The following CDKAL1 variants were observed in gnomAD, a reference collection of about 807,000 sequenced individuals.
The protein encoded by CDKAL1 is CDKAL1 threonylcarbamoyladenosine tRNA methylthiotransferase, also known as threonylcarbamoyladenosine tRNA methylthiotransferase.
CDKAL1 carries 32 observed loss-of-function variants against 68.2 expected under a neutral mutation model. The ratio of observed to expected loss-of-function variants is 0.47; its 90% CI spans 0.35 to 0.63. The LOEUF is 0.63. CDKAL1 is among the 30% of genes least tolerant of loss of function. The probability of loss-of-function intolerance (pLI) is 0.00; values close to 1 mark genes in which losing one functional copy is unlikely to be tolerated. For synonymous variants in CDKAL1, 234 were observed against 244.3 expected (o/e 0.96, Z 0.39); for missense variants, 606 against 696.7 (o/e 0.87, Z 1.47).
At chr6:20,795,846 G>A (rs767835380) in intron 8 of CDKAL1, among the ~76,000 whole-genome samples, 2 of 152,148 alleles carry the variant, frequency 1.3e-5, no homozygotes, top group African/African-American at 4.8e-5. Flanking sequence ...TCTATGTAAG[G>A]CTTGTTAGGT....
chr6:21,217,818 T>G (rs1305541526), intron 15 of CDKAL1, among the ~76,000 whole-genome samples: 1 of 152,194 alleles, frequency 6.6e-6, no homozygotes, highest in Non-Finnish European at 1.5e-5. Flanking sequence ...AGACGGGAAC[T>G]CGCTGTGTTG....
chr6:21,051,389 A>G (rs559803947), intron 11 of CDKAL1, among the ~76,000 whole-genome samples: 4 of 152,264 alleles, frequency 2.6e-5, no homozygotes, highest in African/African-American at 9.6e-5. Flanking sequence ...AATAGTAATA[A>G]TAAGTTGTGT....
At chr6:20,705,160 A>G (rs1436859700) in intron 5 of CDKAL1, among the ~76,000 whole-genome samples, 1 of 152,196 alleles carries the variant, frequency 6.6e-6, no homozygotes, top group Non-Finnish European at 1.5e-5. Context: ...GGTATTTATA[A>G]TTGCAAGGCA....
intron 13 of CDKAL1, among the ~76,000 whole-genome samples, chr6:21,164,367 C>T (rs1777052273): frequency 6.6e-6 from 1 of 151,876 alleles, no homozygotes; most frequent in Non-Finnish European, 1.5e-5. Context: ...TAGCCAGAAC[C>T]CAGAAAACTG....
intron 12 of CDKAL1, among the ~76,000 whole-genome samples, chr6:21,103,122 A>G (rs1773664255): frequency 6.6e-6 from 1 of 152,228 alleles, no homozygotes; most frequent in Admixed American, 6.5e-5. Flanking sequence ...TTTCCTTATA[A>G]TAACACCATT....
At chr6:21,192,783 T>A (rs1049899129) in intron 13 of CDKAL1, among the ~76,000 whole-genome samples, 4 of 150,844 alleles carry the variant, frequency 2.7e-5, no homozygotes, top group African/African-American at 9.7e-5. Flanking sequence ...TTCTTAGGAT[T>A]ACAAGAAAAT....
chr6:20,944,140 G>A (rs1430294731), intron 9 of CDKAL1, among the ~76,000 whole-genome samples: 2 of 152,182 alleles, frequency 1.3e-5, no homozygotes, highest in Non-Finnish European at 2.9e-5. Flanking sequence ...CTACCTGTCT[G>A]TACTGTGACC....
intron 5 of CDKAL1, among the ~76,000 whole-genome samples, chr6:20,706,877 C>T (rs1464729561): frequency 2.0e-5 from 3 of 151,934 alleles, no homozygotes; most frequent in Non-Finnish European, 4.4e-5. Context: ...AAAAATTACC[C>T]CAGTGTACCA....
At chr6:20,874,508 T>G (rs1031767850) in intron 9 of CDKAL1, among the ~76,000 whole-genome samples, 2 of 152,066 alleles carry the variant, frequency 1.3e-5, no homozygotes, top group Non-Finnish European at 2.9e-5. Context: ...TTTGTTTGTT[T>G]GTTTGTTTAT....
At chr6:21,073,359 G>T (rs577852447) in intron 12 of CDKAL1, among the ~76,000 whole-genome samples, 1 of 152,122 alleles carries the variant, frequency 6.6e-6, no homozygotes, top group Non-Finnish European at 1.5e-5. Context: ...CGTGATTGCT[G>T]AATTGTATGG....
chr6:20,594,059 G>T (rs1581784535), intron 4 of CDKAL1, among the ~76,000 whole-genome samples: 1 of 152,180 alleles, frequency 6.6e-6, no homozygotes, highest in African/African-American at 2.4e-5. Context: ...TATGATTTCT[G>T]TTCTTTTGCA....
chr6:21,168,002 C>T (rs1470263561), intron 13 of CDKAL1, among the ~76,000 whole-genome samples: 5 of 152,264 alleles, frequency 3.3e-5, no homozygotes, highest in South Asian at 4.2e-4. Context: ...AAAGCATTAT[C>T]GTTTGGCAGT....
At chr6:20,843,324 T>C (rs949534254) in intron 8 of CDKAL1, among the ~76,000 whole-genome samples, 20 of 152,256 alleles carry the variant, frequency 1.3e-4, no homozygotes, top group African/African-American at 3.8e-4. Flanking sequence ...TTTCTTCCCC[T>C]GCCCTTTCCC....
chr6:20,974,770 G>A (rs1204340062), intron 10 of CDKAL1, among the ~76,000 whole-genome samples: 2 of 150,818 alleles, frequency 1.3e-5, no homozygotes, highest in Non-Finnish European at 2.9e-5. Flanking sequence ...CTTGAGCTCA[G>A]GAGTTCGAAA....
At chr6:20,997,290 G>A (rs978938805) in intron 10 of CDKAL1, among the ~76,000 whole-genome samples, 2 of 152,154 alleles carry the variant, frequency 1.3e-5, no homozygotes, top group East Asian at 1.9e-4. Flanking sequence ...AACACAAGTT[G>A]TCCTAAACTA....
In CDKAL1 at chr6:20,724,646, C is replaced by A. The variant is rs150983983; in HGVS notation, c.372-14873C>A. ...CCTGGGGGGCGGAGGTTGCAGTGAG[C>A]CAGGATCATGACCCTGCATTCCAGC... On this transcript the variant is annotated intron_variant, in intron 5 of 15. Transcript: ENST00000274695. Among the ~76,000 whole-genome samples the A allele has an allele frequency of 5.2e-4, 79 of 152,216 alleles. No individual in the cohort carries two copies. The East Asian group carries it at 5.6e-3, about 11-fold the overall frequency.
rs150347652 is a variant in CDKAL1 at position 20,889,645 on chromosome 6, G to A, written c.742+43467G>A. 0.011 allele frequency among the ~76,000 whole-genome samples: 1,690 copies of A among 152,126 alleles called. 87 individuals carry two copies. The East Asian group carries it at 0.18, about 16-fold the overall frequency. On this transcript the variant is annotated intron_variant, in intron 9 of 15. Transcript: ENST00000274695. ...TTTCCCCATTTCTTATTTTTGTCAG[G>A]TTTGTCAAAGAACAGATGGTTGTAG...
chr6:21,136,731 C>G (rs1775621154), intron 13 of CDKAL1, among the ~76,000 whole-genome samples: 1 of 151,994 alleles, frequency 6.6e-6, no homozygotes, highest in Non-Finnish European at 1.5e-5. Context: ...TGTCAACTTC[C>G]CAAGAACACG....
At chr6:20,744,106 G>A (rs1165925599) in intron 6 of CDKAL1, among the ~76,000 whole-genome samples, 1 of 151,996 alleles carries the variant, frequency 6.6e-6, no homozygotes, top group African/African-American at 2.4e-5. Context: ...CTACCTTAGA[G>A]TTTTCATGCA....
Sources: allele counts gnomAD v4.1 joint callset (sites outside exome capture counted in the v4.1 genomes callset), GRCh38; gene constraint gnomAD v4.1.1; transcripts MANE v1.5; gene names NCBI Gene and HGNC (gene_info 2026-07-23, HGNC 2026-07-21).